Variants in BRI3BP observed in about 807,000 individuals in gnomAD.
BRI3BP encodes the protein BRI3 binding protein.
A neutral mutation model predicts 15.8 loss-of-function variants in BRI3BP; 7 were observed. The ratio of observed to expected loss-of-function variants is 0.44; its 90% CI spans 0.25 to 0.83. The LOEUF (loss-of-function observed/expected upper bound fraction) is 0.83, where lower values mean the gene tolerates loss of function less well. BRI3BP is among the 40% of genes least tolerant of loss of function. The probability of loss-of-function intolerance (pLI) is 0.20; values close to 1 mark genes in which losing one functional copy is unlikely to be tolerated. For missense variants in BRI3BP, 320 were observed against 339.3 expected (o/e 0.94, Z 0.45); for synonymous variants, 192 against 163.5 (o/e 1.17, Z -1.33).
At chr12:125,022,541 A>ATTTATTT in intron 2 of BRI3BP, among the ~76,000 whole-genome samples, 2 of 139,430 alleles carry the variant, frequency 1.4e-5, no homozygotes, top group African/African-American at 5.8e-5. Context: ...TTATTTATTT[A>ATTTATTT]TTTTTTGAGA....
chr12:125,016,043 G>A (rs1429058508), intron 2 of BRI3BP, among the ~76,000 whole-genome samples: 2 of 152,162 alleles, frequency 1.3e-5, no homozygotes, highest in Non-Finnish European at 1.5e-5. Flanking sequence ...CTACAGAGTA[G>A]GAACAGCCTC....
intron 2 of BRI3BP, among the ~76,000 whole-genome samples, chr12:125,019,560 T>G (rs1955275592): frequency 6.6e-6 from 1 of 151,974 alleles, no homozygotes; most frequent in Non-Finnish European, 1.5e-5. Flanking sequence ...TCCATATATA[T>G]TGATGCCACG....
chr12:125,024,513 T>A (rs1437371584), intron 2 of BRI3BP, among the ~76,000 whole-genome samples: 1 of 152,086 alleles, frequency 6.6e-6, no homozygotes, highest in Non-Finnish European at 1.5e-5. Flanking sequence ...TTAAAGGGCT[T>A]CCCTGGCTGG....
chr12:125,019,196 G>A (rs962726501), intron 2 of BRI3BP, among the ~76,000 whole-genome samples: 3 of 152,112 alleles, frequency 2.0e-5, no homozygotes, highest in Non-Finnish European at 4.4e-5. Context: ...GGCAGCGCTA[G>A]GGAAGTCAGA....
At position 125,025,371 on chromosome 12, in the gene BRI3BP, C is replaced by T. The variant is rs1955343676; in HGVS notation, c.697C>T (p.Leu233=). ...GGAGCACCTGGAGAAGCAGGTCAGACTGCTCAACATCCGTCTCAACCGGGT... is the reference window on the plus strand; with the variant it reads ...GGAGCACCTGGAGAAGCAGGTCAGATTGCTCAACATCCGTCTCAACCGGGT... ...KLEHLEKQVR[L]LNIRLNRVLE... is the part of the protein sequence containing the mutation. Residue 233 remains leucine (L), a synonymous_variant, in exon 3 of 3, where the codon CTG becomes TTG. Transcript: ENST00000341446. 1.9e-6 allele frequency: 3 copies of T among 1,612,552 alleles called. No homozygotes were observed. The highest frequency in any genetic ancestry group is 2.5e-6 in the Non-Finnish European group (3 of 1,179,588).
intron 1 of BRI3BP, among the ~76,000 whole-genome samples, chr12:125,005,321 C>T (rs967091310): frequency 1.3e-5 from 2 of 152,138 alleles, no homozygotes; most frequent in African/African-American, 2.4e-5. Flanking sequence ...TTTTAATGCC[C>T]CCACCTCATG....
intron 1 of BRI3BP, among the ~76,000 whole-genome samples, chr12:125,012,179 C>T (rs975233039): frequency 1.1e-4 from 17 of 152,114 alleles, no homozygotes; most frequent in Non-Finnish European, 2.1e-4. Context: ...GAGACCCTGT[C>T]TCTTTAGAGA....
At chr12:125,043,424 T>C in the BRI3BP span, among the ~76,000 whole-genome samples, 1 of 152,184 alleles carries the variant, frequency 6.6e-6, no homozygotes, top group Admixed American at 6.5e-5. Flanking sequence ...CTTTAAACAC[T>C]TTTTAAAGAT....
At position 125,015,843 on chromosome 12, in the gene BRI3BP, A is replaced by G. The variant is rs1056597018; in HGVS notation, c.316+3207A>G. ...ACCTGGCAGCCCCCTGGGGCCACTC[A>G]TGGCCCCTCCAGGGACTTGGCAGAG... is the stretch of plus-strand genomic sequence containing the variant. On this transcript the variant is annotated intron_variant, in intron 2 of 2. Transcript: ENST00000341446. 3.9e-5 allele frequency among the ~76,000 whole-genome samples: 6 copies of G among 152,336 alleles called. No homozygotes were observed. The East Asian group carries it at 1.2e-3, about 29-fold the overall frequency.
At chr12:125,024,306 A>G (rs1271012144) in intron 2 of BRI3BP, among the ~76,000 whole-genome samples, 2 of 108,410 alleles carry the variant, frequency 1.8e-5, no homozygotes, top group Non-Finnish European at 3.5e-5. Flanking sequence ...AACCACCCCC[A>G]TGATCCAATC....
chr12:125,002,337 T>C (rs568158331), intron 1 of BRI3BP, among the ~76,000 whole-genome samples: 2 of 150,028 alleles, frequency 1.3e-5, no homozygotes, highest in South Asian at 2.1e-4. Context: ...ATGTGGGGCC[T>C]GGTTTCCCCA....
At chr12:125,003,956 A>AACACACAC (rs202194939) in intron 1 of BRI3BP, among the ~76,000 whole-genome samples, 42 of 38,146 alleles carry the variant, frequency 1.1e-3, no homozygotes, top group Non-Finnish European at 1.2e-3. Context: ...CCATCTCAAA[A>AACACACAC]ACACACACAC....
At chr12:125,032,889 A>C (rs1044368129), downstream of BRI3BP, among the ~76,000 whole-genome samples, 1 of 152,208 alleles carries the variant, frequency 6.6e-6, no homozygotes, top group African/African-American at 2.4e-5. Flanking sequence ...TGTCAAGTAC[A>C]AGAGGAATGA....
Position 124,993,896 on chromosome 12 carries a change from CG to C in BRI3BP, c.110del (p.Gly37AlafsTer40). 2 of 1,263,980 alleles carry C rather than the reference CG, an allele frequency of 1.6e-6. No homozygotes were observed. The highest frequency in any genetic ancestry group is 2.3e-5 in the South Asian group (1 of 43,282). The allele number at this position is 1,263,980 out of a possible 1,614,324, so 78.3% of individuals were successfully genotyped here. On this transcript the variant is annotated frameshift_variant, in exon 1 of 3. Transcript: ENST00000341446. LOFTEE classifies it high-confidence loss of function. ...GCTGGCCCCGGGCGCGCAGGGGGCGCGGGGCCGCGGCGGCGCGGAGAAGAAC... is the reference window on the plus strand; with the variant it reads ...GCTGGCCCCGGGCGCGCAGGGGGCGCGGGCCGCGGCGGCGCGGAGAAGAAC... ...GLLAPGAQGA[R>X]GRGGAEKNSY... is the part of the protein sequence containing the mutation.
rs1348313501 is a variant in BRI3BP, at chr12:124,993,723, C to G, written c.-68C>G. On this transcript the variant is annotated 5_prime_UTR_variant, in exon 1 of 3. Coordinates refer to ENST00000341446, the MANE Select transcript of BRI3BP (RefSeq NM_080626.6). The stretch of plus-strand genomic sequence containing the variant: ...CCGAGCGCGCCAACCTTGCCCTAGC[C>G]GGAGCCCGCTGCGGCCCAGCGCACG... 3.3e-6 allele frequency: 3 copies of G among 910,888 alleles called. No homozygotes were observed. Among genetic ancestry groups the G allele is most frequent in the Non-Finnish European group, 3.9e-6 (3 of 763,328 alleles). The allele number at this position is 910,888 out of a possible 1,614,324, so 56.4% of individuals were successfully genotyped here. A position where few individuals can be genotyped will look rare whatever the true frequency, so the allele number is the denominator to read the frequency against.
chr12:124,994,224 C>T (rs947417648), intron 1 of BRI3BP, among the ~76,000 whole-genome samples: 4 of 151,960 alleles, frequency 2.6e-5, no homozygotes, highest in Non-Finnish European at 5.9e-5. Flanking sequence ...CTCTCCTCTG[C>T]GCCGCGCTTC....
chr12:125,006,164 T>TA (rs1955142130), intron 1 of BRI3BP, among the ~76,000 whole-genome samples: 1 of 152,040 alleles, frequency 6.6e-6, no homozygotes, highest in Non-Finnish European at 1.5e-5. Context: ...TGTCTCCAAA[T>TA]ACAGTCCCAT....
At chr12:125,004,002 CAA>C (rs1955121497) in intron 1 of BRI3BP, among the ~76,000 whole-genome samples, 1 of 23,772 alleles carries the variant, frequency 4.2e-5, no homozygotes, top group Non-Finnish European at 1.1e-4. Context: ...CACACACACA[CAA>C]CACACAATAC....
At chr12:125,024,496 G>A (rs1436317539) in intron 2 of BRI3BP, among the ~76,000 whole-genome samples, 1 of 152,148 alleles carries the variant, frequency 6.6e-6, no homozygotes, top group Non-Finnish European at 1.5e-5. Context: ...CAACATGGCA[G>A]GTCGTCTTAA....
Sources: gnomAD v4.1 joint callset for allele counts (sites outside exome capture counted in the v4.1 genomes callset) on GRCh38, gnomAD v4.1.1 for gene constraint, MANE v1.5 for transcripts, NCBI Gene and HGNC (gene_info 2026-07-23, HGNC 2026-07-21) for gene names.